TCF4: variants seen among roughly 807,000 people sequenced by gnomAD.
TCF4 encodes the protein SL3-3 enhancer factor 2.
Under a neutral mutation model 82.1 loss-of-function variants are expected in TCF4, and 3 were observed. The observed-to-expected ratio is 0.04, with a 90% CI of 0.02 to 0.09. The LOEUF is 0.09. TCF4 is among the 10% of genes least tolerant of loss of function. TCF4 has a pLI of 1.00. For missense variants in TCF4, 518 were observed against 852.7 expected, an observed-to-expected ratio of 0.61 and a Z score of 4.89; for synonymous variants, 276 against 309.6, an observed-to-expected ratio of 0.89 and a Z score of 1.14.
chr18:55,324,629 G>A (rs555491075), intron 8 of TCF4, among the ~76,000 whole-genome samples: 2 of 152,124 alleles, frequency 1.3e-5, no homozygotes, highest in Admixed American at 6.5e-5. Context: ...GTGTATAACT[G>A]GACAAGTTAC....
chr18:55,565,000 C>T (rs888286345), intron 3 of TCF4, among the ~76,000 whole-genome samples: 2 of 152,090 alleles, frequency 1.3e-5, no homozygotes, highest in African/African-American at 4.8e-5. Context: ...AAAAAGAAAG[C>T]CCAGGTAAGA....
chr18:55,364,397 T>C (rs2086281187), intron 6 of TCF4, among the ~76,000 whole-genome samples: 1 of 152,230 alleles, frequency 6.6e-6, no homozygotes, highest in Non-Finnish European at 1.5e-5. Context: ...GCACATGACC[T>C]GTTTTTCTAA....
chr18:55,240,130 A>C (rs1275378138), intron 15 of TCF4, among the ~76,000 whole-genome samples: 3 of 152,240 alleles, frequency 2.0e-5, no homozygotes, highest in Non-Finnish European at 4.4e-5. Flanking sequence ...TGGATATACT[A>C]TTATAAACAT....
At chr18:55,263,600 T>C (rs544450927) in intron 11 of TCF4, among the ~76,000 whole-genome samples, 4 of 152,206 alleles carry the variant, frequency 2.6e-5, no homozygotes, top group Non-Finnish European at 5.9e-5. Context: ...GGATCAAAAC[T>C]CTGCCTCAAA....
At chr18:55,283,408 C>A (rs2063020957) in intron 8 of TCF4, among the ~76,000 whole-genome samples, 1 of 152,126 alleles carries the variant, frequency 6.6e-6, no homozygotes, top group Non-Finnish European at 1.5e-5. Flanking sequence ...TTAAGAAGCT[C>A]TCATTTTTAC....
At chr18:55,468,883 C>CT (rs199707137) in intron 3 of TCF4, among the ~76,000 whole-genome samples, 6 of 24,426 alleles carry the variant, frequency 2.5e-4, no homozygotes, top group East Asian at 1.5e-3. Context: ...TAGTTCTCGC[C>CT]CCCCCCCCCC....
At chr18:55,585,133 C>A in intron 3 of TCF4, 147 bp downstream of exon 3, 1 of 732,720 alleles carries the variant, frequency 1.4e-6, no homozygotes, top group Non-Finnish European at 2.4e-6. Context: ...GTAAGTTATA[C>A]CACTGATGGG....
At chr18:55,618,109 G>A (rs2097714002) in intron 2 of TCF4, among the ~76,000 whole-genome samples, 1 of 152,020 alleles carries the variant, frequency 6.6e-6, no homozygotes, top group South Asian at 2.1e-4. Flanking sequence ...TTATTATGTT[G>A]TGGCAAATTC....
chr18:55,492,229 G>A (rs563750325), intron 3 of TCF4: 1 of 152,154 alleles, frequency 6.6e-6, no homozygotes, highest in Non-Finnish European at 1.5e-5. Context: ...GTCCAAGTAA[G>A]TGCAAAGATA....
chr18:55,609,007 G>C (rs944626550), intron 2 of TCF4, among the ~76,000 whole-genome samples: 2 of 152,142 alleles, frequency 1.3e-5, no homozygotes, highest in Admixed American at 1.3e-4. Context: ...CTTATATAAA[G>C]AGGAAGAGAC....
intron 3 of TCF4, among the ~76,000 whole-genome samples, chr18:55,581,256 T>C (rs1323146554): frequency 6.6e-6 from 1 of 152,014 alleles, no homozygotes; most frequent in Non-Finnish European, 1.5e-5. Context: ...TGCAGGGCCA[T>C]AGAGAATTAG....
chr18:55,240,066 G>C (rs752028222), intron 15 of TCF4, among the ~76,000 whole-genome samples: 34 of 152,134 alleles, frequency 2.2e-4, no homozygotes, highest in Non-Finnish European at 3.1e-4. Context: ...TATACAATGG[G>C]AACTTTAGGA....
At chr18:55,536,530 C>T (rs2097116000) in intron 3 of TCF4, among the ~76,000 whole-genome samples, 1 of 152,014 alleles carries the variant, frequency 6.6e-6, no homozygotes, top group South Asian at 2.1e-4. Flanking sequence ...TACTTGCAGT[C>T]AACACAAAGA....
intron 5 of TCF4, among the ~76,000 whole-genome samples, chr18:55,406,451 A>G (rs1281631676): frequency 6.6e-6 from 1 of 152,162 alleles, no homozygotes; most frequent in Non-Finnish European, 1.5e-5. Flanking sequence ...CTCAGTTTCT[A>G]GAAAAGAAAC....
intron 5 of TCF4, among the ~76,000 whole-genome samples, chr18:55,436,526 C>T (rs2095332899): frequency 6.6e-6 from 1 of 152,192 alleles, no homozygotes; most frequent in African/African-American, 2.4e-5. Context: ...CCAATTTTCT[C>T]TCTGCATCTT....
intron 3 of TCF4, among the ~76,000 whole-genome samples, chr18:55,478,002 C>A (rs1332455082): frequency 6.6e-6 from 1 of 152,100 alleles, no homozygotes; most frequent in Admixed American, 6.5e-5. Context: ...AAAGCTGTAA[C>A]TCTTCCTCAG....
chr18:55,260,116 T>C (rs1291124105), intron 12 of TCF4, 89 bp from the exon 13 acceptor site: 32 of 990,494 alleles, frequency 3.2e-5, no homozygotes, highest in Non-Finnish European at 4.6e-5. Flanking sequence ...ACGCAATTCA[T>C]TTAGAACTTA....
chr18:55,612,819 G>A (rs1332103035), intron 2 of TCF4, among the ~76,000 whole-genome samples: 2 of 152,014 alleles, frequency 1.3e-5, no homozygotes, highest in Non-Finnish European at 2.9e-5. Flanking sequence ...GTGGTGGTGC[G>A]TGCCTGTAAT....
At chr18:55,423,425 G>GCACACACACACACACA (rs1268678149) in intron 5 of TCF4, 4 of 141,590 alleles carry the variant, frequency 2.8e-5, no homozygotes, top group Admixed American at 2.8e-4. Context: ...ACACGCGCGC[G>GCACACACACACACACA]CGCACACACA....
Sources: gnomAD v4.1 joint callset for allele counts (sites outside exome capture counted in the v4.1 genomes callset) on GRCh38, gnomAD v4.1.1 for gene constraint, MANE v1.5 for transcripts, NCBI Gene and HGNC (gene_info 2026-07-23, HGNC 2026-07-21) for gene names.